The following SORCS3 variants were observed in gnomAD, a reference collection of about 807,000 sequenced individuals.
SORCS3 encodes sortilin related VPS10 domain containing receptor 3, also known as VPS10 domain-containing receptor SorCS3.
Under a neutral mutation model 146.3 loss-of-function variants are expected in SORCS3, and 57 were observed. That is an observed-to-expected ratio of 0.39 (90% CI 0.31 to 0.49). The LOEUF is 0.49. SORCS3 is among the 20% of genes least tolerant of loss of function. SORCS3 has a pLI of 0.92. For missense variants in SORCS3, 1,341 were observed against 1,575.5 expected (o/e 0.85, Z 2.52); for synonymous variants, 653 against 618.5 (o/e 1.06, Z -0.83).
chr10:104,991,502 C>CT (rs1554865716), intron 4 of SORCS3, among the ~76,000 whole-genome samples: 1,680 of 140,412 alleles, frequency 0.012, 45 homozygotes, highest in African/African-American at 0.045. Flanking sequence ...TCCTCTTCTT[C>CT]CTTTTTTTTT....
chr10:104,933,363 C>A (rs1240100863), intron 3 of SORCS3, among the ~76,000 whole-genome samples: 1 of 151,596 alleles, frequency 6.6e-6, no homozygotes, highest in Non-Finnish European at 1.5e-5. Flanking sequence ...GGCATCACAC[C>A]CAGACAGACA....
chr10:104,705,121 T>C (rs1340615925), intron 1 of SORCS3, among the ~76,000 whole-genome samples: 2 of 152,202 alleles, frequency 1.3e-5, no homozygotes, highest in Non-Finnish European at 1.5e-5. Context: ...GTCTGAACTT[T>C]AGGGGAATCA....
intron 4 of SORCS3, among the ~76,000 whole-genome samples, chr10:104,999,735 G>A (rs774739949): frequency 1.3e-5 from 2 of 152,168 alleles, no homozygotes; most frequent in Non-Finnish European, 2.9e-5. Context: ...CATACAAAGA[G>A]TTTGGAAGAA....
intron 1 of SORCS3, among the ~76,000 whole-genome samples, chr10:104,819,439 A>G (rs1187836695): frequency 6.6e-6 from 1 of 152,064 alleles, no homozygotes; most frequent in Non-Finnish European, 1.5e-5. Flanking sequence ...ACCCACACAC[A>G]TATCCACTCT....
intron 3 of SORCS3, among the ~76,000 whole-genome samples, chr10:104,940,961 G>T (rs1364734638): frequency 6.6e-6 from 1 of 152,130 alleles, no homozygotes; most frequent in Non-Finnish European, 1.5e-5. Flanking sequence ...AAAAGCTGGA[G>T]GCATCATGCT....
intron 20 of SORCS3, among the ~76,000 whole-genome samples, chr10:105,229,829 T>C (rs1269527920): frequency 6.6e-6 from 1 of 152,194 alleles, no homozygotes; most frequent in Non-Finnish European, 1.5e-5. Context: ...CACTGATTCC[T>C]GGGCCTTCAG....
At chr10:104,723,154 G>C (rs577572388) in intron 1 of SORCS3, among the ~76,000 whole-genome samples, 30 of 152,290 alleles carry the variant, frequency 2.0e-4, no homozygotes, top group Admixed American at 1.1e-3. Flanking sequence ...CTTTGAATGT[G>C]TCCCAGAGAT....
intron 5 of SORCS3, among the ~76,000 whole-genome samples, chr10:105,071,626 G>A (rs760060666): frequency 6.6e-6 from 1 of 152,190 alleles, no homozygotes; most frequent in Non-Finnish European, 1.5e-5. Flanking sequence ...ACATTATAGA[G>A]AAAAGGGTAT....
intron 3 of SORCS3, among the ~76,000 whole-genome samples, chr10:104,945,044 A>G (rs991868535): frequency 1.4e-4 from 21 of 152,208 alleles, no homozygotes; most frequent in African/African-American, 5.1e-4. Context: ...GCAAGCAACA[A>G]CATGGATTAA....
At chr10:104,995,150 C>CT (rs1362845127) in intron 4 of SORCS3, among the ~76,000 whole-genome samples, 1 of 145,198 alleles carries the variant, frequency 6.9e-6, no homozygotes, top group African/African-American at 2.6e-5. Flanking sequence ...CTTTTCTTTT[C>CT]TTTCTTTCTT....
intron 5 of SORCS3, among the ~76,000 whole-genome samples, chr10:105,045,021 G>GAAAAAAAAAAAAAA (rs35904016): frequency 6.8e-5 from 8 of 118,000 alleles, no homozygotes; most frequent in African/African-American, 2.4e-4. Context: ...TCCAGAATTC[G>GAAAAAAAAAAAAAA]AAAAAAAAAA....
intron 1 of SORCS3, among the ~76,000 whole-genome samples, chr10:104,773,017 A>G (rs902302): frequency 0.8 from 121,363 of 152,194 alleles, 48,709 homozygotes; most frequent in East Asian, 0.94. Context: ...GGAAGAAGGC[A>G]TGCTGGGTAC....
At position 104,759,404 on chromosome 10, in the gene SORCS3, T is replaced by A. The variant is rs910713152; in HGVS notation, c.628-83388T>A. 2.0e-5 allele frequency among the ~76,000 whole-genome samples: 3 copies of A among 151,928 alleles called. No homozygotes were observed. The East Asian group carries it at 5.8e-4, about 29-fold the overall frequency. ...AACTCATACACAGAGGATTTGAGAG[T>A]GTTTTCTGGAATCTGCAGAGGGCCA... On this transcript the variant is annotated intron_variant, in intron 1 of 26. Coordinates refer to ENST00000369701, the MANE Select transcript of SORCS3 (RefSeq NM_014978.3).
At chr10:104,937,076 A>T (rs1176384576) in intron 3 of SORCS3, among the ~76,000 whole-genome samples, 1 of 152,178 alleles carries the variant, frequency 6.6e-6, no homozygotes, top group Non-Finnish European at 1.5e-5. Flanking sequence ...TCTATCTCAG[A>T]TCATCAGGCA....
intron 3 of SORCS3, among the ~76,000 whole-genome samples, chr10:104,934,062 G>A (rs975764468): frequency 2.0e-5 from 3 of 152,134 alleles, no homozygotes; most frequent in African/African-American, 7.2e-5. Flanking sequence ...AAAGTGCTGG[G>A]ATTACAAGCA....
chr10:105,255,045 G>A (rs762673178), intron 23 of SORCS3, among the ~76,000 whole-genome samples: 4 of 151,238 alleles, frequency 2.6e-5, no homozygotes, highest in African/African-American at 4.9e-5. Flanking sequence ...AAAATTAGCC[G>A]GGCGAGGAGG....
chr10:105,050,114 T>C (rs550632048), intron 5 of SORCS3, among the ~76,000 whole-genome samples: 15 of 152,156 alleles, frequency 9.9e-5, no homozygotes, highest in Admixed American at 3.3e-4. Flanking sequence ...CTGTGTTCTG[T>C]TGTATATTCC....
intron 20 of SORCS3, among the ~76,000 whole-genome samples, chr10:105,236,049 C>A (rs1461352616): frequency 6.6e-6 from 1 of 151,982 alleles, no homozygotes; most frequent in Non-Finnish European, 1.5e-5. Context: ...ACCAAGGAAC[C>A]CTTTTCTGTT....
intron 4 of SORCS3, among the ~76,000 whole-genome samples, chr10:104,977,754 A>G (rs546696632): frequency 7.7e-6 from 1 of 130,492 alleles, no homozygotes; most frequent in African/African-American, 2.9e-5. Flanking sequence ...TTTTTTTGAC[A>G]CAGAGTCTCG....
Sources: allele counts gnomAD v4.1 joint callset (sites outside exome capture counted in the v4.1 genomes callset), GRCh38; gene constraint gnomAD v4.1.1; transcripts MANE v1.5; gene names NCBI Gene and HGNC (gene_info 2026-07-23, HGNC 2026-07-21).